Variants in ABCA1 observed in about 807,000 individuals in gnomAD.
ABCA1 encodes the protein ATP binding cassette subfamily A member 1.
ABCA1 carries 133 observed loss-of-function variants against 262.5 expected under a neutral mutation model. The observed-to-expected ratio is 0.51, with a 90% CI of 0.44 to 0.59. The LOEUF (loss-of-function observed/expected upper bound fraction) is 0.59. Ranked by LOEUF, ABCA1 falls within the 20% of genes least tolerant of loss-of-function variation. The probability of loss-of-function intolerance (pLI) is 0.00; values close to 1 mark genes in which losing one functional copy is unlikely to be tolerated. For synonymous variants in ABCA1, 1,022 were observed against 1,043.5 expected (o/e 0.98, Z 0.40); for missense variants, 2,452 against 2,777.5 (o/e 0.88, Z 2.63).
At chr9:104,852,411 C>T (rs1203680689) in intron 7 of ABCA1, among the ~76,000 whole-genome samples, 4 of 152,206 alleles carry the variant, frequency 2.6e-5, no homozygotes, top group Admixed American at 2.0e-4. Flanking sequence ...TAAATATTAA[C>T]TTTCAAATTA....
Position 104,796,640 on chromosome 9 carries a change from C to G in ABCA1, c.5122-216G>C, listed in dbSNP as rs118137700. Among the ~76,000 whole-genome samples, 954 of 152,338 alleles carry G rather than the reference C, an allele frequency of 6.3e-3. 3 individuals are homozygous for G. Among genetic ancestry groups the G allele is most frequent in the Non-Finnish European group, 0.01 (706 of 68,026 alleles). On this transcript the variant is annotated intron_variant, in intron 37 of 49. Coordinates refer to ENST00000374736, the MANE Select transcript of ABCA1 (RefSeq NM_005502.4). ...TGATTTTATAAACTACATGCCCTTT[C>G]TGTCTTTCCAACAGTCAAGCCAAGG...
At chr9:104,910,676 A>T (rs1337848282) in intron 1 of ABCA1, among the ~76,000 whole-genome samples, 1 of 152,192 alleles carries the variant, frequency 6.6e-6, no homozygotes, top group Admixed American at 6.5e-5. Flanking sequence ...GAAATTTCCA[A>T]CAACAGCTAT....
intron 21 of ABCA1, 88 bp downstream of exon 21, chr9:104,819,839 G>A: frequency 6.2e-7 from 1 of 1,609,072 alleles, no homozygotes; most frequent in Non-Finnish European, 8.5e-7. Flanking sequence ...ACCCAGCCTG[G>A]GACCCTGGGG....
rs762734157 is a variant in ABCA1, at chr9:104,792,890, G to A, written c.5653C>T (p.Leu1885=). Residue 1885 remains leucine, a synonymous_variant, in exon 42 of 50, where the codon CTA becomes TTA. Transcript: ENST00000374736. ...FIRPRPVNAK[L]SPLNDEDEDV... Reference sequence around the variant, plus strand: ...TCATCTTCATCATTCAGAGGAGATAGCTTTGCATTTACAGGTCTTGGGGGA... The same window carrying A: ...TCATCTTCATCATTCAGAGGAGATAACTTTGCATTTACAGGTCTTGGGGGA... 6.2e-7 allele frequency: 1 copy of A among 1,614,068 alleles called. No homozygotes were observed. The highest frequency in any genetic ancestry group is 8.5e-7 in the Non-Finnish European group (1 of 1,180,006).
At chr9:104,838,721 C>T (rs1191931716) in intron 9 of ABCA1, among the ~76,000 whole-genome samples, 1 of 151,988 alleles carries the variant, frequency 6.6e-6, no homozygotes. Flanking sequence ...TTTGGTTATC[C>T]AGCAGGATCC....
intron 16 of ABCA1, 63 bp downstream of exon 16, chr9:104,826,885 T>C (rs1832854562): frequency 3.4e-6 from 5 of 1,467,480 alleles, no homozygotes; most frequent in Non-Finnish European, 4.8e-6. Context: ...GCTGCTTTTA[T>C]TCAGGGACTC....
At chr9:104,887,669 G>A (rs1161242773) in intron 3 of ABCA1, among the ~76,000 whole-genome samples, 2 of 144,126 alleles carry the variant, frequency 1.4e-5, no homozygotes, top group Admixed American at 1.4e-4. Flanking sequence ...TTCCAAAAGA[G>A]AAAACAGAAT....
At chr9:104,882,042 A>C (rs1437006689) in intron 5 of ABCA1, among the ~76,000 whole-genome samples, 8,140 of 146,210 alleles carry the variant, frequency 0.056, 765 homozygotes, top group African/African-American at 0.14. Context: ...AAAAAAAAAA[A>C]AAAAAAAAAA....
At chr9:104,872,654 GTTGAATAGTGTCGCACTGAGA>G (rs1837727972) in intron 5 of ABCA1, among the ~76,000 whole-genome samples, 1 of 152,208 alleles carries the variant, frequency 6.6e-6, no homozygotes, top group Non-Finnish European at 1.5e-5. Flanking sequence ...AACTTAGTCT[GTTGAATAGTGTCGCACTGAGA>G]TTGCCTTTTG....
intron 2 of ABCA1, among the ~76,000 whole-genome samples, chr9:104,891,365 G>A (rs1839728630): frequency 6.6e-6 from 1 of 152,042 alleles, no homozygotes; most frequent in African/African-American, 2.4e-5. Flanking sequence ...TTGGAGACCA[G>A]CCTGGCCAAC....
rs1836653582 is a variant in ABCA1, at chr9:104,862,669, C to CGGGCAGGGCCGGGCAGGGCA, written c.422-870_422-869insTGCCCTGCCCGGCCCTGCCC. ...CGGGCCGGGCCGGGCCGGGCCGGGC[C>CGGGCAGGGCCGGGCAGGGCA]GGGCCGGGCCGGGCCGGGCCGGGCC... is the stretch of plus-strand genomic sequence containing the variant. On this transcript the variant is annotated intron_variant, in intron 5 of 49. Transcript: ENST00000374736. Among the ~76,000 whole-genome samples the CGGGCAGGGCCGGGCAGGGCA allele has an allele frequency of 2.0e-4, 2 of 9,814 alleles. 1 individual carries two copies. The highest frequency in any genetic ancestry group is 7.8e-4 in the African/African-American group (2 of 2,564). 6.4% of individuals were successfully genotyped at this position (9,814 alleles called of 152,430 possible).
intron 39 of ABCA1, 74 bp downstream of exon 39, chr9:104,795,979 A>T: frequency 6.2e-7 from 1 of 1,600,002 alleles, no homozygotes; most frequent in Non-Finnish European, 8.5e-7. Context: ...GTGGAATAAG[A>T]TCACAATTAA....
At chr9:104,796,955 A>C (rs1197486561) in intron 37 of ABCA1, among the ~76,000 whole-genome samples, 2 of 152,234 alleles carry the variant, frequency 1.3e-5, no homozygotes, top group Non-Finnish European at 2.9e-5. Flanking sequence ...ACGATAGGAC[A>C]ATTATGAGAA....
intron 19 of ABCA1, 109 bp from the exon 20 acceptor site, chr9:104,821,615 C>T (rs1380020012): frequency 3.0e-6 from 4 of 1,318,792 alleles, no homozygotes; most frequent in Admixed American, 1.9e-5. Flanking sequence ...CCACCGCCCC[C>T]ATTCCTTTCT....
intron 2 of ABCA1, among the ~76,000 whole-genome samples, chr9:104,891,356 T>C (rs1480281546): frequency 6.6e-6 from 1 of 151,892 alleles, no homozygotes; most frequent in African/African-American, 2.4e-5. Flanking sequence ...GGTCAGGAGT[T>C]GGAGACCAGC....
At chr9:104,888,060 T>TGG (rs1554744305) in intron 3 of ABCA1, among the ~76,000 whole-genome samples, 6,220 of 133,110 alleles carry the variant, frequency 0.047, 431 homozygotes, top group African/African-American at 0.15. Flanking sequence ...TCTTGAGGGG[T>TGG]GTGTGTGTGT....
intron 3 of ABCA1, 68 bp from the exon 4 acceptor site, chr9:104,884,636 C>T (rs1588502464): frequency 6.4e-7 from 1 of 1,568,200 alleles, no homozygotes. Flanking sequence ...TTTGAGGCTC[C>T]ATTTATACAA....
chr9:104,824,552 A>G lies in ABCA1; in HGVS notation c.2569T>C (p.Tyr857His). 2 of 1,613,990 alleles carry G rather than the reference A, an allele frequency of 1.2e-6. No individual in the cohort carries two copies. Among genetic ancestry groups the G allele is most frequent in the Non-Finnish European group, 8.5e-7 (1 of 1,180,024 alleles). Reference protein sequence around the residue: ...PGQYGIPRPWYFPCTKSYWFG... With the variant: ...PGQYGIPRPWHFPCTKSYWFG... ...CAGTAGGACTTGGTGCAAGGAAAAT[A>G]CCAGGGCCTGGGAATTCCGTACTGG... Residue 857 changes from tyrosine (Y) to histidine (H), a missense_variant, in exon 18 of 50, where the codon TAT (tyrosine) becomes CAT (histidine). Transcript: ENST00000374736.
At chr9:104,876,329 G>C (rs2067605541) in intron 5 of ABCA1, among the ~76,000 whole-genome samples, 2 of 152,146 alleles carry the variant, frequency 1.3e-5, no homozygotes, top group South Asian at 4.1e-4. Flanking sequence ...TTCTCAGAGG[G>C]GATGTGAGGA....
Sources: gnomAD v4.1 joint callset for allele counts (sites outside exome capture counted in the v4.1 genomes callset) on GRCh38, gnomAD v4.1.1 for gene constraint, MANE v1.5 for transcripts, NCBI Gene and HGNC (gene_info 2026-07-23, HGNC 2026-07-21) for gene names.